The following ASAP3 variants were observed in gnomAD, a reference collection of about 807,000 sequenced individuals.
The protein encoded by ASAP3 is arf-GAP with SH3 domain, ANK repeat and PH domain-containing protein 3.
Under a neutral mutation model 118.2 loss-of-function variants are expected in ASAP3, and 85 were observed. That is an observed-to-expected ratio of 0.72 (90% CI 0.60 to 0.86). ASAP3 has a LOEUF of 0.86. Ranked by LOEUF, ASAP3 falls within the 40% of genes least tolerant of loss-of-function variation. ASAP3 has a pLI of 0.00. For synonymous variants in ASAP3, 432 were observed against 477.4 expected, an observed-to-expected ratio of 0.90 and a Z score of 1.24; for missense variants, 1,026 against 1,175.0, an observed-to-expected ratio of 0.87 and a Z score of 1.85.
At position 23,441,445 on chromosome 1, in the gene ASAP3, T is replaced by C. The variant is rs1308569732; in HGVS notation, c.776A>G (p.Gln259Arg). ...GGAGTCCCGGAGCTGGGTCAGCTTC[T>C]GTAGCTCGTCCTCCTGGGCCTGATG... ...ALHQAQEDEL[Q>R]KLTQLRDSLR... Residue 259 changes from glutamine to arginine, a missense_variant, in exon 9 of 25, where the codon CAG becomes CGG. Gln to Arg is a conservative substitution (Grantham distance 43, BLOSUM62 1). Transcript: ENST00000336689. The C allele has an allele frequency of 6.2e-7, 1 of 1,614,056 alleles. No homozygotes were observed. The highest frequency in any genetic ancestry group is 8.5e-7 in the Non-Finnish European group (1 of 1,180,032).
intron 1 of ASAP3, among the ~76,000 whole-genome samples, chr1:23,479,169 C>T (rs1642228197): frequency 6.6e-6 from 1 of 152,166 alleles, no homozygotes; most frequent in African/African-American, 2.4e-5. Context: ...AATCTAGTGT[C>T]CGGTTACCTT....
rs115330572 is a variant in ASAP3 at position 23,439,000 on chromosome 1, T to C, written c.1014+161A>G. 2.8e-3 allele frequency: 2,998 copies of C among 1,086,750 alleles called. 55 individuals are homozygous for C. The African/African-American group carries it at 0.041, about 15-fold the overall frequency. The allele number at this position is 1,086,750 out of a possible 1,614,324, so 67.3% of individuals were successfully genotyped here. Reference sequence around the variant, plus strand: ...TGTGAAGTGTAGACTAAGACTAGATTGGGGCCTTCAGGTCCCATCTGTCCT... The same window carrying C: ...TGTGAAGTGTAGACTAAGACTAGATCGGGGCCTTCAGGTCCCATCTGTCCT... On this transcript the variant is annotated intron_variant, in intron 11 of 24. Coordinates refer to ENST00000336689, the MANE Select transcript of ASAP3 (RefSeq NM_017707.4). This position sits in a 1 kb window ranked among gnomAD's most constrained non-coding sequence, Gnocchi z 4.9.
At chr1:23,476,512 T>C (rs190989187) in intron 1 of ASAP3, among the ~76,000 whole-genome samples, 273 of 152,308 alleles carry the variant, frequency 1.8e-3, no homozygotes, top group Non-Finnish European at 3.4e-3. Context: ...CCATCATCTC[T>C]TCCCTAAATA....
At chr1:23,431,657 G>A (rs762270384) in intron 23 of ASAP3, 39 bp downstream of exon 23, 1 of 1,499,554 alleles carries the variant, frequency 6.7e-7, no homozygotes, top group Non-Finnish European at 8.9e-7. Context: ...AGAGAAGTCA[G>A]GGGATTTGCC....
intron 1 of ASAP3, among the ~76,000 whole-genome samples, chr1:23,477,217 ACGT>A (rs1385868234): frequency 6.6e-6 from 1 of 151,638 alleles, no homozygotes; most frequent in Non-Finnish European, 1.5e-5. Flanking sequence ...GGGTTTCGCC[ACGT>A]TGGCCAGGCT....
chr1:23,436,454 C>G lies in ASAP3; in HGVS notation c.1571+106G>C, dbSNP rs1411415769. 1 of 1,289,722 alleles carries G rather than the reference C, an allele frequency of 7.8e-7. No homozygotes were observed. The highest frequency in any genetic ancestry group is 2.4e-5 in the East Asian group (1 of 42,262). The allele number at this position is 1,289,722 out of a possible 1,614,324, so 79.9% of individuals were successfully genotyped here. A position where few individuals can be genotyped will look rare whatever the true frequency, so the allele number is the denominator to read the frequency against. ...CTGGGATTACAGGCGTGAGCCACTG[C>G]GCCCAGCCTCCCCAGACTTCTGATC... On this transcript the variant is annotated intron_variant, in intron 16 of 24. Coordinates refer to ENST00000336689, the MANE Select transcript of ASAP3 (RefSeq NM_017707.4). The surrounding 1 kb of genome is among the most constrained non-coding windows in gnomAD (Gnocchi z 4.2).
At chr1:23,445,870 G>T (rs1016385402) in intron 5 of ASAP3, among the ~76,000 whole-genome samples, 1 of 151,318 alleles carries the variant, frequency 6.6e-6, no homozygotes, top group Non-Finnish European at 1.5e-5. Context: ...AAGTCCCAGC[G>T]ACATGGGAGG....
At chr1:23,447,885 G>A (rs1255973448) in intron 5 of ASAP3, among the ~76,000 whole-genome samples, 5 of 152,150 alleles carry the variant, frequency 3.3e-5, no homozygotes, top group African/African-American at 1.2e-4. Context: ...AATTATCACA[G>A]TTCTGTCCCT....
chr1:23,452,869 GC>G, intron 3 of ASAP3, 98 bp from the exon 4 acceptor site: 1 of 1,191,216 alleles, frequency 8.4e-7, no homozygotes, highest in Non-Finnish European at 1.2e-6. Flanking sequence ...AAAGAGAGCA[GC>G]GGGGAAGGGA....
In ASAP3 at chr1:23,455,988, C is replaced by T; in HGVS notation, c.241G>A (p.Glu81Lys). 1 of 1,614,112 alleles carries T rather than the reference C, an allele frequency of 6.2e-7. No individual in the cohort carries two copies. Among genetic ancestry groups the T allele is most frequent in the Non-Finnish European group, 8.5e-7 (1 of 1,180,018 alleles). ...ENEEQYREAVESLGNSHLSQN... is the reference protein window; with the variant it reads ...ENEEQYREAVKSLGNSHLSQN... ...GACAGGTGGCTGTTGCCTAAGGATTCCACGGCCTCTCGGTACTGCTCTTCA... is the reference window on the plus strand; with the variant it reads ...GACAGGTGGCTGTTGCCTAAGGATTTCACGGCCTCTCGGTACTGCTCTTCA... Residue 81 changes from glutamate to lysine, a missense_variant, in exon 3 of 25, where the codon GAA (glutamate) becomes AAA (lysine). Coordinates refer to ENST00000336689, the MANE Select transcript of ASAP3 (RefSeq NM_017707.4).
chr1:23,433,771 A>G, intron 19 of ASAP3, 78 bp from the exon 20 acceptor site: 1 of 1,579,290 alleles, frequency 6.3e-7, no homozygotes, highest in Non-Finnish European at 8.7e-7. Context: ...GGGCCTCTGG[A>G]ATCAGAATGT....
At chr1:23,484,228 C>T (rs1403020638), upstream of ASAP3, 2 of 1,160,002 alleles carry the variant, frequency 1.7e-6, no homozygotes, top group South Asian at 4.3e-5. Flanking sequence ...GGGCGCCGTC[C>T]CGGCCTCCAC....
At position 23,429,577 on chromosome 1, in the gene ASAP3, T is replaced by G; in HGVS notation, c.*279A>C. 3.2e-6 allele frequency: 1 copy of G among 309,242 alleles called. No homozygotes were observed. The highest frequency in any genetic ancestry group is 6.1e-6 in the Non-Finnish European group (1 of 164,776). 19.2% of individuals were successfully genotyped at this position (309,242 alleles called of 1,614,324 possible). On this transcript the variant is annotated 3_prime_UTR_variant, in exon 25 of 25. Transcript: ENST00000336689. ...GATGAGGGACTGAGAGTTCTGCAGC[T>G]GAAGCCAGCTCAGGAGCACTCAGAT...
chr1:23,433,814 G>A (rs1046362297), intron 19 of ASAP3, 121 bp from the exon 20 acceptor site: 1 of 1,310,020 alleles, frequency 7.6e-7, no homozygotes, highest in African/African-American at 1.5e-5. Context: ...CCATTTTCTG[G>A]CTATGTGACC....
Position 23,429,690 on chromosome 1 carries a change from G to T in ASAP3, c.*166C>A. ...TAACAGGGAAAGGCCATGTGTCCTT[G>T]GTAGAGGCATGGCCTGTGGCAGGAA... On this transcript the variant is annotated 3_prime_UTR_variant, in exon 25 of 25. Transcript: ENST00000336689. 1.6e-6 allele frequency: 1 copy of T among 640,004 alleles called. No homozygotes were observed. The highest frequency in any genetic ancestry group is 2.6e-6 in the Non-Finnish European group (1 of 377,658). 39.6% of individuals were successfully genotyped at this position (640,004 alleles called of 1,614,324 possible).
intron 1 of ASAP3, among the ~76,000 whole-genome samples, chr1:23,472,153 T>C (rs886900735): frequency 1.3e-5 from 2 of 152,192 alleles, no homozygotes; most frequent in Non-Finnish European, 2.9e-5. Context: ...TGGAATTACA[T>C]AGTGGTGATG....
Position 23,451,512 on chromosome 1 carries a change from A to G in ASAP3, c.440T>C (p.Leu147Pro). The stretch of plus-strand genomic sequence containing the variant: ...TTCATAGTCCTTCCATGCCTTCTCC[A>G]GCTGTTTTTTGGAATCCTGTGGGTT... ...RDGRQDSKKQ[L>P]EKAWKDYEAK... The change falls in exon 5 of 25, where the codon CTG (leucine) becomes CCG (proline). Residue 147 changes from leucine to proline, a missense_variant. By Grantham distance (98) the Leu-to-Pro change is moderately conservative. Transcript: ENST00000336689. 6.2e-7 allele frequency: 1 copy of G among 1,614,160 alleles called. No homozygotes were observed. The highest frequency in any genetic ancestry group is 8.5e-7 in the Non-Finnish European group (1 of 1,180,026).
intron 4 of ASAP3, among the ~76,000 whole-genome samples, 176 bp downstream of exon 4, chr1:23,452,521 G>C (rs1641249357): frequency 6.6e-6 from 1 of 152,048 alleles, no homozygotes; most frequent in African/African-American, 2.4e-5. Context: ...CAGACAGCAG[G>C]TCAGCCATCC....
intron 1 of ASAP3, among the ~76,000 whole-genome samples, chr1:23,459,380 C>A (rs566586653): frequency 6.6e-6 from 1 of 152,134 alleles, no homozygotes; most frequent in Non-Finnish European, 1.5e-5. Context: ...TCCCATGACA[C>A]CCATTTTCTG....
Sources: allele counts gnomAD v4.1 joint callset (sites outside exome capture counted in the v4.1 genomes callset), GRCh38; gene constraint gnomAD v4.1.1; non-coding constraint Gnocchi (gnomAD v3.1); transcripts MANE v1.5; gene names NCBI Gene and HGNC (gene_info 2026-07-23, HGNC 2026-07-21).